ZPBP: variants seen among roughly 807,000 people sequenced by gnomAD.
ZPBP encodes the protein zona pellucida binding protein, also known as zona pellucida-binding protein 1.
A neutral mutation model predicts 44.8 loss-of-function variants in ZPBP; 26 were observed. The observed-to-expected ratio is 0.58, with a 90% CI of 0.43 to 0.81. The LOEUF is 0.81. Ranked by LOEUF, ZPBP falls within the 30% of genes least tolerant of loss-of-function variation. The probability of loss-of-function intolerance (pLI) is 0.00; values close to 1 mark genes in which losing one functional copy is unlikely to be tolerated. For missense variants in ZPBP, 409 were observed against 434.0 expected (o/e 0.94, Z 0.51); for synonymous variants, 174 against 153.2 (o/e 1.14, Z -1.00).
intron 3 of ZPBP, among the ~76,000 whole-genome samples, chr7:50,068,929 T>G (rs569475064): frequency 3.3e-5 from 5 of 152,232 alleles, no homozygotes; most frequent in Non-Finnish European, 7.3e-5. Context: ...TGGTTGCCTT[T>G]CTTTTACCAT....
downstream of ZPBP, among the ~76,000 whole-genome samples, chr7:49,846,004 G>A (rs1344713733): frequency 1.3e-5 from 2 of 152,158 alleles, no homozygotes; most frequent in Non-Finnish European, 2.9e-5. Flanking sequence ...GATAAAAGAC[G>A]GCTCCAGTCC....
intron 2 of ZPBP, among the ~76,000 whole-genome samples, chr7:49,892,825 A>G (rs1288722940): frequency 6.6e-6 from 1 of 152,234 alleles, no homozygotes; most frequent in African/African-American, 2.4e-5. Context: ...TCAGATCCTA[A>G]TAACTGTGAG....
At chr7:49,933,596 T>C (rs944597734), downstream of ZPBP, among the ~76,000 whole-genome samples, 1 of 152,118 alleles carries the variant, frequency 6.6e-6, no homozygotes, top group Admixed American at 6.6e-5. Flanking sequence ...TAAAGACACA[T>C]GCAAACGTAT....
intron 4 of ZPBP, among the ~76,000 whole-genome samples, chr7:50,035,993 A>G (rs1476544712): frequency 6.6e-6 from 1 of 152,202 alleles, no homozygotes; most frequent in Non-Finnish European, 1.5e-5. Flanking sequence ...AAAATAAATA[A>G]CTTAAGTGAA....
Position 49,939,213 on chromosome 7 carries a change from T to C in ZPBP, c.962-1591A>G, listed in dbSNP as rs1583876223. Among the ~76,000 whole-genome samples, 4 of 152,304 alleles carry C rather than the reference T, an allele frequency of 2.6e-5. No homozygotes were observed. The South Asian group carries it at 8.3e-4, about 32-fold the overall frequency. ...ATGTTGAGCAAAGATACTAAAAGTGTTAAATCATTACACATGCAGAAGAGA... is the reference window on the plus strand; with the variant it reads ...ATGTTGAGCAAAGATACTAAAAGTGCTAAATCATTACACATGCAGAAGAGA... On this transcript the variant is annotated intron_variant, in intron 7 of 7. Coordinates refer to ENST00000046087, the MANE Select transcript of ZPBP (RefSeq NM_007009.3).
chr7:50,044,409 T>C (rs1233637329), intron 4 of ZPBP, among the ~76,000 whole-genome samples: 2 of 151,862 alleles, frequency 1.3e-5, no homozygotes, highest in Non-Finnish European at 2.9e-5. Flanking sequence ...ACAAAATAGA[T>C]AGACTGCTAG....
At chr7:49,872,980 C>G (rs483739) in intron 2 of ZPBP, among the ~76,000 whole-genome samples, 17 of 140,500 alleles carry the variant, frequency 1.2e-4, no homozygotes, top group Admixed American at 4.2e-4. Flanking sequence ...AAATAATTCT[C>G]TAAATAATTA....
At chr7:50,023,668 C>A (rs1480518343) in intron 5 of ZPBP, among the ~76,000 whole-genome samples, 1 of 151,908 alleles carries the variant, frequency 6.6e-6, no homozygotes, top group Non-Finnish European at 1.5e-5. Flanking sequence ...CCATCAAAAC[C>A]AAACTCAGAT....
chr7:49,903,941 T>C (rs970965627), intron 1 of ZPBP, among the ~76,000 whole-genome samples: 2 of 152,144 alleles, frequency 1.3e-5, no homozygotes, highest in Non-Finnish European at 2.9e-5. Flanking sequence ...CTGGTTTACA[T>C]AGGGCTCACA....
chr7:50,088,187 C>T (rs1434771043), intron 2 of ZPBP, among the ~76,000 whole-genome samples: 2 of 151,930 alleles, frequency 1.3e-5, no homozygotes, highest in Non-Finnish European at 2.9e-5. Flanking sequence ...AAAGAATAAT[C>T]GCTTCAACAA....
At chr7:49,861,663 T>C (rs1046413639) in intron 2 of ZPBP, among the ~76,000 whole-genome samples, 11 of 152,242 alleles carry the variant, frequency 7.2e-5, no homozygotes, top group Non-Finnish European at 1.3e-4. Flanking sequence ...TTTGAGTTAA[T>C]TTTTGTATAT....
chr7:50,043,875 C>T (rs575063873), intron 4 of ZPBP, among the ~76,000 whole-genome samples: 110 of 152,232 alleles, frequency 7.2e-4, no homozygotes, highest in African/African-American at 1.2e-3. Context: ...TCCTTCTCAG[C>T]ACATCAGACT....
At chr7:49,936,470 A>G (rs1008011942), downstream of ZPBP, among the ~76,000 whole-genome samples, 2 of 152,244 alleles carry the variant, frequency 1.3e-5, no homozygotes, top group African/African-American at 4.8e-5. Context: ...CATCCTAGGT[A>G]TAGGTGAACT....
downstream of ZPBP, among the ~76,000 whole-genome samples, chr7:49,935,222 A>G (rs1794580198): frequency 6.6e-6 from 1 of 152,220 alleles, no homozygotes; most frequent in South Asian, 2.1e-4. Flanking sequence ...GAAGAAGGCC[A>G]TGAAGCTAGG....
chr7:49,977,787 G>C (rs1480561400), intron 7 of ZPBP, among the ~76,000 whole-genome samples: 2 of 152,154 alleles, frequency 1.3e-5, no homozygotes, highest in African/African-American at 4.8e-5. Flanking sequence ...GCATCCTATC[G>C]AGGTAGTGCC....
intron 7 of ZPBP, among the ~76,000 whole-genome samples, chr7:49,938,485 T>A (rs553947759): frequency 2.6e-5 from 4 of 152,296 alleles, no homozygotes; most frequent in African/African-American, 9.6e-5. Context: ...CTCTCTTAGT[T>A]CCACTATCCT....
At chr7:50,031,964 C>T (rs1018917874) in intron 4 of ZPBP, among the ~76,000 whole-genome samples, 1 of 152,146 alleles carries the variant, frequency 6.6e-6, no homozygotes, top group Non-Finnish European at 1.5e-5. Flanking sequence ...AAACAGGGCG[C>T]TCTGTTGCTA....
chr7:49,996,829 T>A (rs532453653), intron 6 of ZPBP, among the ~76,000 whole-genome samples: 1 of 152,362 alleles, frequency 6.6e-6, no homozygotes, highest in African/African-American at 2.4e-5. Context: ...TACGTCTGCA[T>A]ATGTCAGACT....
intron 7 of ZPBP, among the ~76,000 whole-genome samples, chr7:49,982,513 A>T (rs576192258): frequency 6.6e-6 from 1 of 150,466 alleles, no homozygotes; most frequent in Admixed American, 6.7e-5. Context: ...AATGAAACAC[A>T]AAAAAATTAT....
Sources: allele counts gnomAD v4.1 joint callset (sites outside exome capture counted in the v4.1 genomes callset), GRCh38; gene constraint gnomAD v4.1.1; transcripts MANE v1.5; gene names NCBI Gene and HGNC (gene_info 2026-07-23, HGNC 2026-07-21).